The following SPARCL1 variants were observed in gnomAD, a reference collection of about 807,000 sequenced individuals.
SPARCL1 encodes the protein SPARC like 1.
A neutral mutation model predicts 67.1 loss-of-function variants in SPARCL1; 52 were observed. The observed-to-expected ratio is 0.78, with a 90% confidence interval of 0.62 to 0.98. The LOEUF (loss-of-function observed/expected upper bound fraction) is 0.98. Ranked by LOEUF, SPARCL1 falls within the 50% of genes least tolerant of loss-of-function variation. The probability of loss-of-function intolerance (pLI) is 0.00; values close to 1 mark genes in which losing one functional copy is unlikely to be tolerated. For synonymous variants in SPARCL1, 226 were observed against 267.8 expected, an observed-to-expected ratio of 0.84 and a Z score of 1.52; for missense variants, 717 against 782.4, an observed-to-expected ratio of 0.92 and a Z score of 1.00.
chr4:87,482,359 A>C, intron 8 of SPARCL1, 65 bp downstream of exon 8: 1 of 1,567,542 alleles, frequency 6.4e-7, no homozygotes, highest in South Asian at 1.1e-5. Context: ...TAGCCCCCCC[A>C]CCACGTCTTT....
chr4:87,476,067 ACTAACACTTAGGAGGCAAC>A (rs1723571263), intron 10 of SPARCL1, among the ~76,000 whole-genome samples: 1 of 152,172 alleles, frequency 6.6e-6, no homozygotes. Context: ...TTTGCATGAA[ACTAACACTTAGGAGGCAAC>A]CTAATACTTT....
In SPARCL1 at chr4:87,522,628, CCA is replaced by C. The variant is rs1478362927; in HGVS notation, c.-12+6415_-12+6416del. Among the ~76,000 whole-genome samples the C allele has an allele frequency of 5.6e-5, 8 of 143,036 alleles. No homozygotes were observed. In the East Asian group the frequency reaches 1.3e-3, roughly 22 times the overall value. The allele number at this position is 143,036 out of a possible 152,430, so 93.8% of individuals were successfully genotyped here. A position where few individuals can be genotyped will look rare whatever the true frequency, so the allele number is the denominator to read the frequency against. ...TCTCTCCAGCACCCGCTCCTCCCAG[CCA>C]CCACCACCAAACACACACACACACA... On this transcript the variant is annotated intron_variant, in intron 1 of 10. Transcript: ENST00000282470.
intron 1 of SPARCL1, among the ~76,000 whole-genome samples, chr4:87,511,400 A>T (rs1386452314): frequency 6.6e-6 from 1 of 152,176 alleles, no homozygotes. Flanking sequence ...ACGGTGGATT[A>T]GTTTTGGGCT....
chr4:87,474,535 C>T (rs1479308426), intron 10 of SPARCL1, among the ~76,000 whole-genome samples: 1 of 152,082 alleles, frequency 6.6e-6, no homozygotes, highest in Non-Finnish European at 1.5e-5. Context: ...TTTTTCTTGA[C>T]GTTAAGGCTA....
intron 10 of SPARCL1, among the ~76,000 whole-genome samples, chr4:87,478,170 T>G (rs776726021): frequency 6.6e-6 from 1 of 152,182 alleles, no homozygotes; most frequent in Non-Finnish European, 1.5e-5. Context: ...ATTGTAAACA[T>G]GAATGAAATC....
intron 2 of SPARCL1, among the ~76,000 whole-genome samples, chr4:87,495,336 A>C (rs757220313): frequency 8.5e-5 from 13 of 152,228 alleles, no homozygotes; most frequent in Non-Finnish European, 1.8e-4. Flanking sequence ...GTTTAAGAAA[A>C]AGTTATTTAT....
intron 2 of SPARCL1, among the ~76,000 whole-genome samples, chr4:87,497,805 G>A (rs1490271610): frequency 6.6e-6 from 1 of 152,172 alleles, no homozygotes. Context: ...ACCCAGGCTG[G>A]AGTGCTGTGT....
At chr4:87,476,279 T>C (rs983461015) in intron 10 of SPARCL1, among the ~76,000 whole-genome samples, 2 of 152,210 alleles carry the variant, frequency 1.3e-5, no homozygotes, top group African/African-American at 4.8e-5. Context: ...CCCACATATT[T>C]CCTATCAAAT....
intron 10 of SPARCL1, among the ~76,000 whole-genome samples, chr4:87,475,196 C>T (rs189235703): frequency 6.6e-6 from 1 of 152,272 alleles, no homozygotes; most frequent in East Asian, 1.9e-4. Flanking sequence ...TCTAATCTCC[C>T]TTTTCTTCTC....
At chr4:87,475,554 C>G (rs996178136) in intron 10 of SPARCL1, among the ~76,000 whole-genome samples, 1 of 152,172 alleles carries the variant, frequency 6.6e-6, no homozygotes, top group South Asian at 2.1e-4. Flanking sequence ...CAATTATTCT[C>G]TGTATGCTTA....
intron 1 of SPARCL1, among the ~76,000 whole-genome samples, chr4:87,519,270 C>T (rs2110262607): frequency 6.6e-6 from 1 of 152,216 alleles, no homozygotes; most frequent in Admixed American, 6.5e-5. Context: ...CGGGTTTTCA[C>T]CATGTTGGTC....
chr4:87,498,554 C>T (rs1214925720), intron 2 of SPARCL1, among the ~76,000 whole-genome samples: 1 of 152,160 alleles, frequency 6.6e-6, no homozygotes, highest in African/African-American at 2.4e-5. Context: ...GCTATGGTTT[C>T]ATTTGTTTTT....
intron 1 of SPARCL1, among the ~76,000 whole-genome samples, chr4:87,500,066 TGTGAGTTAGGG>T (rs1368718765): frequency 6.6e-6 from 1 of 152,182 alleles, no homozygotes; most frequent in African/African-American, 2.4e-5. Flanking sequence ...ACTGGCAATC[TGTGAGTTAGGG>T]GTGGCCTGCA....
intron 7 of SPARCL1, among the ~76,000 whole-genome samples, chr4:87,487,694 A>G (rs562611452): frequency 3.9e-5 from 6 of 152,316 alleles, no homozygotes; most frequent in East Asian, 1.9e-4. Flanking sequence ...GTGTTTTCCA[A>G]CTTGGTTCCA....
intron 1 of SPARCL1, among the ~76,000 whole-genome samples, chr4:87,520,005 C>G (rs561561139): frequency 6.6e-6 from 1 of 151,838 alleles, no homozygotes; most frequent in East Asian, 1.9e-4. Context: ...TTTGGGAGGC[C>G]GAGGTGGGTG....
chr4:87,490,202 A>C, intron 7 of SPARCL1, 71 bp downstream of exon 7: 3 of 1,453,124 alleles, frequency 2.1e-6, no homozygotes, highest in Non-Finnish European at 2.7e-6. Context: ...GCATATAGAT[A>C]ATTCAGGCAT....
chr4:87,491,489 C>T, intron 5 of SPARCL1, 129 bp downstream of exon 5: 1 of 770,498 alleles, frequency 1.3e-6, no homozygotes, highest in Admixed American at 1.8e-5. Flanking sequence ...GGGAGCATTT[C>T]CTTGGGGAGG....
chr4:87,523,192 T>C (rs1725895960), intron 1 of SPARCL1, among the ~76,000 whole-genome samples: 1 of 150,522 alleles, frequency 6.6e-6, no homozygotes, highest in Admixed American at 6.6e-5. Flanking sequence ...GCCCAGGAGG[T>C]AGAGGTTGCA....
At chr4:87,510,829 A>G (rs1363883728) in intron 1 of SPARCL1, among the ~76,000 whole-genome samples, 1 of 152,244 alleles carries the variant, frequency 6.6e-6, no homozygotes, top group Non-Finnish European at 1.5e-5. Flanking sequence ...TGAGCTGATA[A>G]CACACTGCTG....
Sources: allele counts gnomAD v4.1 joint callset (sites outside exome capture counted in the v4.1 genomes callset), GRCh38; gene constraint gnomAD v4.1.1; transcripts MANE v1.5; gene names NCBI Gene and HGNC (gene_info 2026-07-23, HGNC 2026-07-21).